Variants in FAM117A observed in about 807,000 individuals in gnomAD.
FAM117A encodes protein FAM117A.
Under a neutral mutation model 44.1 loss-of-function variants are expected in FAM117A, and 21 were observed. The ratio of observed to expected loss-of-function variants is 0.48; its 90% CI spans 0.34 to 0.69. The LOEUF is 0.69. Ranked by LOEUF, FAM117A falls within the 30% of genes least tolerant of loss-of-function variation. The pLI, the probability that FAM117A is intolerant of heterozygous loss-of-function variation, is 0.01. For missense variants in FAM117A, 498 were observed against 589.9 expected (o/e 0.84, Z 1.61); for synonymous variants, 220 against 238.3 (o/e 0.92, Z 0.71).
intron 1 of FAM117A, among the ~76,000 whole-genome samples, chr17:49,737,022 G>C (rs1365282788): frequency 2.6e-5 from 4 of 152,200 alleles, no homozygotes; most frequent in African/African-American, 9.6e-5. Context: ...GGGTCAACTG[G>C]CTCTACTTTT....
At chr17:49,724,669 C>T (rs1180555530) in intron 2 of FAM117A, 2 of 351,470 alleles carry the variant, frequency 5.7e-6, no homozygotes, top group Non-Finnish European at 1.1e-5. Flanking sequence ...CCCGTCTCTA[C>T]TAAAAATAGA....
intron 7 of FAM117A, among the ~76,000 whole-genome samples, chr17:49,714,423 C>T (rs1364386379): frequency 2.6e-5 from 4 of 151,652 alleles, no homozygotes; most frequent in African/African-American, 9.7e-5. Flanking sequence ...CTGCAATCTC[C>T]ACCTCCTGGG....
intron 7 of FAM117A, among the ~76,000 whole-genome samples, chr17:49,713,524 T>C (rs549797978): frequency 2.1e-4 from 32 of 152,230 alleles, no homozygotes; most frequent in African/African-American, 5.8e-4. Flanking sequence ...ATCTTTTTTT[T>C]TGGACAGGGT....
chr17:49,737,985 C>T (rs916380756), intron 1 of FAM117A, among the ~76,000 whole-genome samples: 1 of 150,428 alleles, frequency 6.6e-6, no homozygotes, highest in Non-Finnish European at 1.5e-5. Context: ...TTAATAGCTT[C>T]TTTTTAGCAC....
At chr17:49,713,034 C>G (rs572237920) in intron 7 of FAM117A, among the ~76,000 whole-genome samples, 1 of 152,172 alleles carries the variant, frequency 6.6e-6, no homozygotes, top group South Asian at 2.1e-4. Context: ...TGCCACCATT[C>G]TAGGCTAATT....
chr17:49,717,530 G>A lies in FAM117A; in HGVS notation c.893C>T (p.Ser298Phe). Residue 298 changes from serine (S) to phenylalanine (F), a missense_variant, in exon 6 of 8, where the codon TCC becomes TTC. By Grantham distance (155) the Ser-to-Phe change is radical. Around this residue, in one of 3 missense-constraint regions of FAM117A, gnomAD observed 224 missense variants for 296.5 expected, o/e 0.76. Coordinates refer to ENST00000240364, the MANE Select transcript of FAM117A (RefSeq NM_030802.4). Reference protein sequence around the residue: ...EHRGAAEELASTPNDKASSPG... With the variant: ...EHRGAAEELAFTPNDKASSPG... ...CGGCTTACCTTTGTCGTTGGGGGTG[G>A]ATGCCAGCTCCTCGGCGGCACCCCG... The A allele has an allele frequency of 6.2e-7, 1 of 1,614,032 alleles. No individual in the cohort carries two copies. Among genetic ancestry groups the A allele is most frequent in the Non-Finnish European group, 8.5e-7 (1 of 1,179,990 alleles).
chr17:49,758,287 T>C (rs1163729656), intron 1 of FAM117A, among the ~76,000 whole-genome samples: 1 of 151,102 alleles, frequency 6.6e-6, no homozygotes, highest in African/African-American at 2.4e-5. Flanking sequence ...GCCGAGATCA[T>C]GCCATTGCAC....
chr17:49,765,038 T>A (rs1227272992), upstream of FAM117A, among the ~76,000 whole-genome samples: 3 of 152,194 alleles, frequency 2.0e-5, no homozygotes, highest in African/African-American at 7.2e-5. Flanking sequence ...CTCTCTGACT[T>A]ACAAGTCAGA....
chr17:49,743,259 T>C (rs531010658), intron 1 of FAM117A, among the ~76,000 whole-genome samples: 1 of 152,156 alleles, frequency 6.6e-6, no homozygotes, highest in Non-Finnish European at 1.5e-5. Flanking sequence ...AGTATACCCA[T>C]TGGGCATGTT....
chr17:49,780,652 T>G (rs1280259894), intron 1 of FAM117A, among the ~76,000 whole-genome samples: 2 of 152,162 alleles, frequency 1.3e-5, no homozygotes, highest in Non-Finnish European at 2.9e-5. Context: ...ACTACAGGCG[T>G]GAGCTACCGC....
At chr17:49,771,220 A>C (rs2143796546) in intron 1 of FAM117A, among the ~76,000 whole-genome samples, 1 of 152,314 alleles carries the variant, frequency 6.6e-6, no homozygotes, top group African/African-American at 2.4e-5. Flanking sequence ...TAAATAAATA[A>C]ATAAAGAATA....
chr17:49,722,545 G>A lies in FAM117A; in HGVS notation c.416C>T (p.Ala139Val), dbSNP rs1179363729. 6.2e-7 allele frequency: 1 copy of A among 1,614,056 alleles called. No homozygotes were observed. The highest frequency in any genetic ancestry group is 1.7e-5 in the Admixed American group (1 of 60,024). Reference sequence around the variant, plus strand: ...GCCCCAGGATGCTGAGCGCTTGTGTGCACAGGAACTGGCACGCTCACCTTC... The same window carrying A: ...GCCCCAGGATGCTGAGCGCTTGTGTACACAGGAACTGGCACGCTCACCTTC... ...ELEGERASSCAHKRSASWGST... is the reference protein window; with the variant it reads ...ELEGERASSCVHKRSASWGST... Residue 139 changes from alanine (A) to valine (V), a missense_variant, in exon 3 of 8, where the codon GCA becomes GTA. By Grantham distance (64) the Ala-to-Val change is moderately conservative (BLOSUM62 0). Transcript: ENST00000240364.
At chr17:49,733,295 G>T (rs761008450) in intron 1 of FAM117A, among the ~76,000 whole-genome samples, 8 of 152,176 alleles carry the variant, frequency 5.3e-5, no homozygotes, top group Non-Finnish European at 8.8e-5. Context: ...GAGGATTGAG[G>T]AATCTAGTTT....
chr17:49,714,330 C>T (rs2073491875), intron 7 of FAM117A, among the ~76,000 whole-genome samples: 1 of 151,686 alleles, frequency 6.6e-6, no homozygotes, highest in Non-Finnish European at 1.5e-5. Flanking sequence ...GGATCACCAC[C>T]ACTCTTTTTT....
intron 1 of FAM117A, among the ~76,000 whole-genome samples, chr17:49,782,031 C>T (rs1452009873): frequency 6.6e-6 from 1 of 151,500 alleles, no homozygotes; most frequent in Non-Finnish European, 1.5e-5. Flanking sequence ...TTAAAATATG[C>T]ACATAAAATG....
chr17:49,756,069 G>A (rs532330702), intron 1 of FAM117A, among the ~76,000 whole-genome samples: 5 of 152,202 alleles, frequency 3.3e-5, no homozygotes, highest in African/African-American at 1.2e-4. Flanking sequence ...GAAAAATAAG[G>A]AATATAGCTG....
chr17:49,741,518 C>T (rs992660002), intron 1 of FAM117A, among the ~76,000 whole-genome samples: 1 of 152,124 alleles, frequency 6.6e-6, no homozygotes, highest in African/African-American at 2.4e-5. Flanking sequence ...TTTCTACAAC[C>T]TGTTTTTTTT....
intron 5 of FAM117A, among the ~76,000 whole-genome samples, chr17:49,718,381 G>C (rs542907047): frequency 6.6e-6 from 1 of 152,226 alleles, no homozygotes; most frequent in African/African-American, 2.4e-5. Flanking sequence ...AATTGTGCCT[G>C]AGGCCAGCTG....
At chr17:49,724,631 A>C (rs2073551116) in intron 2 of FAM117A, 4 of 370,610 alleles carry the variant, frequency 1.1e-5, no homozygotes, top group Non-Finnish European at 2.2e-5. Context: ...TCAAGAGTTC[A>C]AGACCAGCCT....
Sources: gnomAD v4.1 joint callset for allele counts (sites outside exome capture counted in the v4.1 genomes callset) on GRCh38, gnomAD v4.1.1 for gene constraint, gnomAD v4.1.1 regional missense constraint, MANE v1.5 for transcripts, NCBI Gene and HGNC (gene_info 2026-07-23, HGNC 2026-07-21) for gene names.